The following RBFOX1 variants were observed in gnomAD, a reference collection of about 807,000 sequenced individuals.
The protein encoded by RBFOX1 is RNA binding protein fox-1 homolog 1.
In RBFOX1, 8 loss-of-function variants were observed where a neutral mutation model predicts 57.7. The ratio of observed to expected loss-of-function variants is 0.14; its 90% CI spans 0.08 to 0.25. The LOEUF is 0.25. Ranked by LOEUF, RBFOX1 falls within the 10% of genes least tolerant of loss-of-function variation. The pLI is 1.00. For missense variants in RBFOX1, 611 were observed against 548.5 expected (o/e 1.11, Z -1.14); for synonymous variants, 326 against 222.4 (o/e 1.47, Z -4.15).
chr16:7,156,710 T>C (rs2077224223), intron 4 of RBFOX1, among the ~76,000 whole-genome samples: 1 of 152,144 alleles, frequency 6.6e-6, no homozygotes, highest in African/African-American at 2.4e-5. Context: ...GAGTGAGACA[T>C]TTAATGGATT....
chr16:6,568,638 TATTCTG>T (rs1300180889), intron 2 of RBFOX1, among the ~76,000 whole-genome samples: 2 of 152,302 alleles, frequency 1.3e-5, no homozygotes, highest in East Asian at 1.9e-4. Context: ...TCATGTATCT[TATTCTG>T]ATTCTCAGAA....
chr16:6,376,461 C>A (rs957998773), intron 2 of RBFOX1, among the ~76,000 whole-genome samples: 16 of 152,170 alleles, frequency 1.1e-4, no homozygotes, highest in African/African-American at 3.6e-4. Flanking sequence ...AGGGTGAATC[C>A]TTCGTTGCCT....
chr16:5,683,143 GGGTGGA>G (rs1194752738), intron 3 of RBFOX1, among the ~76,000 whole-genome samples: 1 of 151,816 alleles, frequency 6.6e-6, no homozygotes, highest in Non-Finnish European at 1.5e-5. Flanking sequence ...TGTGTGTTGG[GGGTGGA>G]GGTGGAGGTG....
chr16:7,649,864 C>T (rs973255895), intron 11 of RBFOX1, among the ~76,000 whole-genome samples: 5 of 151,876 alleles, frequency 3.3e-5, no homozygotes, highest in African/African-American at 1.2e-4. Flanking sequence ...AGGGGAGGAA[C>T]AGGGCAGCCC....
At chr16:6,853,700 T>C (rs1200979283) in intron 3 of RBFOX1, among the ~76,000 whole-genome samples, 1 of 152,190 alleles carries the variant, frequency 6.6e-6, no homozygotes, top group African/African-American at 2.4e-5. Context: ...TTTATCACCC[T>C]GGTTGGATTC....
At chr16:7,337,177 G>A (rs1001777547) in intron 4 of RBFOX1, among the ~76,000 whole-genome samples, 1 of 152,144 alleles carries the variant, frequency 6.6e-6, no homozygotes. Context: ...AAGAATGCGA[G>A]TGGTATAGCT....
intron 1 of RBFOX1, among the ~76,000 whole-genome samples, chr16:6,197,172 T>G (rs1443702990): frequency 6.6e-6 from 1 of 152,210 alleles, no homozygotes; most frequent in African/African-American, 2.4e-5. Context: ...GTGGATACTA[T>G]GCATACGTCT....
chr16:5,461,011 T>C (rs1326493531), intron 1 of RBFOX1, among the ~76,000 whole-genome samples: 1 of 152,144 alleles, frequency 6.6e-6, no homozygotes, highest in Non-Finnish European at 1.5e-5. Context: ...AAGGAATGTC[T>C]GCAGAAATAC....
At chr16:6,873,373 G>A (rs2061288176) in intron 3 of RBFOX1, among the ~76,000 whole-genome samples, 1 of 152,110 alleles carries the variant, frequency 6.6e-6, no homozygotes, top group Non-Finnish European at 1.5e-5. Context: ...TTTAATTTAG[G>A]TCTTTGAGTT....
chr16:5,316,742 A>G (rs949088430), intron 1 of RBFOX1, among the ~76,000 whole-genome samples: 15 of 152,162 alleles, frequency 9.9e-5, no homozygotes, highest in African/African-American at 3.6e-4. Context: ...CACTGAGTCC[A>G]TCTCTCTTCT....
Position 7,129,559 on chromosome 16 carries a change from C to A in RBFOX1, c.27+77461C>A, listed in dbSNP as rs192245235. On this transcript the variant is annotated intron_variant, in intron 4 of 15. Coordinates refer to ENST00000550418, the MANE Select transcript of RBFOX1 (RefSeq NM_018723.4). ...ATTACAATGGAGAGACACATTTGCCCTATCTCCTGGGGAAAAAAATTGAGG... is the reference window on the plus strand; with the variant it reads ...ATTACAATGGAGAGACACATTTGCCATATCTCCTGGGGAAAAAAATTGAGG... Among the ~76,000 whole-genome samples the A allele has an allele frequency of 2.9e-3, 440 of 152,144 alleles. 1 individual carries two copies. Among genetic ancestry groups the A allele is most frequent in the African/African-American group, 1.0e-2 (414 of 41,514 alleles).
chr16:7,689,853 A>G (rs1358048564), intron 14 of RBFOX1, among the ~76,000 whole-genome samples: 1 of 152,102 alleles, frequency 6.6e-6, no homozygotes, highest in Non-Finnish European at 1.5e-5. Context: ...TTTCAGGATG[A>G]GGTTTAAAGT....
chr16:6,892,841 G>T (rs1278028656), intron 3 of RBFOX1, among the ~76,000 whole-genome samples: 1 of 135,334 alleles, frequency 7.4e-6, no homozygotes, highest in Admixed American at 7.7e-5. Flanking sequence ...CTGCTTCAGG[G>T]TGTTCTGTGC....
chr16:6,889,370 T>C (rs2153369595), intron 3 of RBFOX1, among the ~76,000 whole-genome samples: 1 of 152,312 alleles, frequency 6.6e-6, no homozygotes, highest in East Asian at 1.9e-4. Flanking sequence ...CTCTTTTCCC[T>C]CTGCAGTAAG....
At chr16:6,783,201 T>G (rs1334238966) in intron 3 of RBFOX1, among the ~76,000 whole-genome samples, 3 of 152,018 alleles carry the variant, frequency 2.0e-5, no homozygotes, top group Admixed American at 6.6e-5. Flanking sequence ...CTAGTCTGCC[T>G]TTTATTTGGA....
chr16:5,442,395 G>A (rs1478107633), intron 1 of RBFOX1, among the ~76,000 whole-genome samples: 1 of 152,216 alleles, frequency 6.6e-6, no homozygotes. Flanking sequence ...AGGACTGGAA[G>A]CTCAATGTGA....
Position 7,710,927 on chromosome 16 carries a change from A to C in RBFOX1, c.*182A>C, listed in dbSNP as rs1444475688. 1.3e-5 allele frequency: 9 copies of C among 716,588 alleles called. No homozygotes were observed. The highest frequency in any genetic ancestry group is 1.8e-5 in the Non-Finnish European group (9 of 504,434). The allele number at this position is 716,588 out of a possible 1,614,324, so 44.4% of individuals were successfully genotyped here. A position where few individuals can be genotyped will look rare whatever the true frequency, so the allele number is the denominator to read the frequency against. ...TCAGATATTTTGTTCTGTGTATTTT[A>C]ATATTGTGGGTCTTTAATTTCTGAA... On this transcript the variant is annotated 3_prime_UTR_variant, in exon 16 of 16. Coordinates refer to ENST00000550418, the MANE Select transcript of RBFOX1 (RefSeq NM_018723.4).
chr16:7,565,029 T>C (rs2091338577), intron 5 of RBFOX1, among the ~76,000 whole-genome samples: 1 of 152,168 alleles, frequency 6.6e-6, no homozygotes, highest in East Asian at 1.9e-4. Context: ...ATTAACTTAT[T>C]TGTTTGCCGA....
intron 3 of RBFOX1, among the ~76,000 whole-genome samples, chr16:5,782,940 A>G (rs2054371862): frequency 6.6e-6 from 1 of 152,152 alleles, no homozygotes; most frequent in Non-Finnish European, 1.5e-5. Flanking sequence ...TAGGCCCTCC[A>G]TGGATTGGAT....
Sources: allele counts gnomAD v4.1 joint callset (sites outside exome capture counted in the v4.1 genomes callset), GRCh38; gene constraint gnomAD v4.1.1; transcripts MANE v1.5; gene names NCBI Gene and HGNC (gene_info 2026-07-23, HGNC 2026-07-21).